RNF38: variants seen among roughly 807,000 people sequenced by gnomAD.
The protein encoded by RNF38 is E3 ubiquitin-protein ligase RNF38.
A neutral mutation model predicts 67.2 loss-of-function variants in RNF38; 15 were observed. The ratio of observed to expected loss-of-function variants is 0.22; its 90% CI spans 0.15 to 0.34. The LOEUF is 0.34. Ranked by LOEUF, RNF38 falls within the 10% of genes least tolerant of loss-of-function variation. RNF38 has a pLI of 1.00. For synonymous variants in RNF38, 220 were observed against 218.8 expected (o/e 1.01, Z -0.05); for missense variants, 524 against 639.9 (o/e 0.82, Z 1.95).
intron 2 of RNF38, among the ~76,000 whole-genome samples, chr9:36,416,582 A>G (rs1408395090): frequency 6.6e-6 from 1 of 151,850 alleles, no homozygotes; most frequent in Non-Finnish European, 1.5e-5. Context: ...CACTCAGTCA[A>G]AATTATTACA....
At chr9:36,472,711 A>G (rs182660314) in intron 1 of RNF38, among the ~76,000 whole-genome samples, 2 of 152,350 alleles carry the variant, frequency 1.3e-5, no homozygotes, top group East Asian at 3.9e-4. Flanking sequence ...GTTTTTCTTC[A>G]TCTGTTTAAG....
At chr9:36,449,664 G>A (rs1002520371) in intron 1 of RNF38, among the ~76,000 whole-genome samples, 3 of 152,022 alleles carry the variant, frequency 2.0e-5, no homozygotes, top group African/African-American at 4.8e-5. Context: ...CTCGATCTCC[G>A]AATCTTGTGA....
At chr9:36,404,393 C>A (rs1838131236), upstream of RNF38, among the ~76,000 whole-genome samples, 1 of 152,152 alleles carries the variant, frequency 6.6e-6, no homozygotes, top group African/African-American at 2.4e-5. Flanking sequence ...TACATTATCT[C>A]TGGCCTTTTA....
At chr9:36,356,539 T>C in intron 5 of RNF38, 66 bp from the exon 6 acceptor site, 9 of 1,370,274 alleles carry the variant, frequency 6.6e-6, no homozygotes, top group Non-Finnish European at 8.9e-6. Context: ...AAAAGGATAG[T>C]GAGATTAAAA....
chr9:36,445,261 C>A (rs1359226390), intron 1 of RNF38, among the ~76,000 whole-genome samples: 1 of 152,150 alleles, frequency 6.6e-6, no homozygotes, highest in African/African-American at 2.4e-5. Context: ...TCATGAAATG[C>A]TTTCTGGGAA....
chr9:36,446,915 G>T (rs1839318568), intron 1 of RNF38, among the ~76,000 whole-genome samples: 1 of 149,960 alleles, frequency 6.7e-6, no homozygotes, highest in African/African-American at 2.5e-5. Flanking sequence ...GAGGTCAGGA[G>T]TTCGAGACCA....
intron 1 of RNF38, among the ~76,000 whole-genome samples, chr9:36,391,893 G>A (rs976366368): frequency 2.0e-5 from 3 of 152,158 alleles, no homozygotes; most frequent in Admixed American, 6.5e-5. Flanking sequence ...GATTACAGGC[G>A]TGAGCCACTG....
chr9:36,409,307 A>AAAAG (rs752591229), intron 2 of RNF38, among the ~76,000 whole-genome samples: 140 of 148,124 alleles, frequency 9.5e-4, no homozygotes, highest in Middle Eastern at 3.4e-3. Flanking sequence ...GAGAGAAAGA[A>AAAAG]AAAGAAAGAA....
intron 2 of RNF38, among the ~76,000 whole-genome samples, chr9:36,409,453 C>T (rs1838268843): frequency 6.6e-6 from 1 of 152,180 alleles, no homozygotes; most frequent in Non-Finnish European, 1.5e-5. Flanking sequence ...ACATGGGAAT[C>T]ACAGTCTTAA....
intron 4 of RNF38, among the ~76,000 whole-genome samples, chr9:36,364,312 G>A (rs1212291269): frequency 6.6e-6 from 1 of 151,952 alleles, no homozygotes; most frequent in Non-Finnish European, 1.5e-5. Flanking sequence ...TACATTATAA[G>A]AATACAGTAT....
intron 1 of RNF38, among the ~76,000 whole-genome samples, chr9:36,446,133 T>C (rs1474508408): frequency 1.3e-5 from 2 of 152,202 alleles, no homozygotes; most frequent in African/African-American, 2.4e-5. Flanking sequence ...CCTCTGATCA[T>C]GTCAGGCAGT....
intron 2 of RNF38, among the ~76,000 whole-genome samples, chr9:36,421,821 C>T (rs1300268133): frequency 6.6e-6 from 1 of 152,028 alleles, no homozygotes; most frequent in African/African-American, 2.4e-5. Flanking sequence ...TTTGCAAAAC[C>T]AATACCCACG....
intron 2 of RNF38, among the ~76,000 whole-genome samples, chr9:36,411,584 CAG>C (rs576628897): frequency 6.6e-5 from 10 of 152,184 alleles, no homozygotes; most frequent in South Asian, 2.1e-4. Flanking sequence ...TTCCTTGAGA[CAG>C]AGTCTTGCGC....
chr9:36,371,809 T>C (rs1321388183), intron 3 of RNF38, among the ~76,000 whole-genome samples: 2 of 152,112 alleles, frequency 1.3e-5, no homozygotes. Flanking sequence ...ATTAGACATT[T>C]AGAACTTATG....
intron 2 of RNF38, among the ~76,000 whole-genome samples, chr9:36,420,261 G>A (rs916032369): frequency 6.6e-6 from 1 of 152,002 alleles, no homozygotes; most frequent in Non-Finnish European, 1.5e-5. Context: ...GGCCGGGCAC[G>A]GTGGCTCACG....
intron 1 of RNF38, among the ~76,000 whole-genome samples, chr9:36,468,829 T>A (rs1420562127): frequency 1.3e-5 from 2 of 151,202 alleles, no homozygotes; most frequent in African/African-American, 4.9e-5. Flanking sequence ...TAAAAAAAAA[T>A]TAGGCCAGGC....
chr9:36,441,827 C>T (rs1315124651), intron 1 of RNF38, among the ~76,000 whole-genome samples: 1 of 152,086 alleles, frequency 6.6e-6, no homozygotes, highest in Non-Finnish European at 1.5e-5. Context: ...TGGGAATTGA[C>T]CTTCTGTTCA....
intron 1 of RNF38, among the ~76,000 whole-genome samples, chr9:36,483,819 T>G (rs1840337603): frequency 6.6e-6 from 1 of 152,204 alleles, no homozygotes; most frequent in Non-Finnish European, 1.5e-5. Context: ...GCCCTTACTT[T>G]GAAACCACAT....
intron 1 of RNF38, among the ~76,000 whole-genome samples, chr9:36,452,384 A>C (rs1413612329): frequency 1.3e-5 from 2 of 150,876 alleles, no homozygotes; most frequent in East Asian, 3.8e-4. Context: ...AGCCCTAGAT[A>C]ATCATTAATT....
Sources: gnomAD v4.1 joint callset for allele counts (sites outside exome capture counted in the v4.1 genomes callset) on GRCh38, gnomAD v4.1.1 for gene constraint, MANE v1.5 for transcripts, NCBI Gene and HGNC (gene_info 2026-07-23, HGNC 2026-07-21) for gene names.